TRIM77: variants seen among roughly 807,000 people sequenced by gnomAD.
The protein encoded by TRIM77 is tripartite motif containing 77.
Under a neutral mutation model 31.8 loss-of-function variants are expected in TRIM77, and 23 were observed. The observed-to-expected ratio is 0.72, with a 90% CI of 0.52 to 1.02. The LOEUF (loss-of-function observed/expected upper bound fraction) is 1.02, where lower values mean the gene tolerates loss of function less well. TRIM77 is among the 50% of genes least tolerant of loss of function. TRIM77 has a pLI of 0.00. For missense variants in TRIM77, 446 were observed against 539.2 expected, an observed-to-expected ratio of 0.83 and a Z score of 1.71; for synonymous variants, 159 against 183.1, an observed-to-expected ratio of 0.87 and a Z score of 1.06.
chr11:89,715,118 T>G (rs534004987), intron 3 of TRIM77, 40 bp from the exon 4 acceptor site: 7 of 1,548,946 alleles, frequency 4.5e-6, no homozygotes, highest in Admixed American at 2.0e-5. Flanking sequence ...GAGAGAACCA[T>G]GTTGTGCTGC....
rs1438643328 is a variant in TRIM77 at position 89,714,349 on chromosome 11, T to C, written c.665T>C (p.Met222Thr). Residue 222 changes from methionine to threonine, a missense_variant, in exon 3 of 6, where the codon ATG (methionine) becomes ACG (threonine). Physicochemically the swap from Met to Thr is moderately conservative, Grantham distance 81 (BLOSUM62 -1). Transcript: ENST00000398290. Reference protein sequence around the residue: ...LKRSQTRMAKMGILLREMYEK... With the variant: ...LKRSQTRMAKTGILLREMYEK... ...AGAAGTCAAACTAGAATGGCTAAGA[T>C]GGGTATACTCCTGAGAGAAATGTAT... 2 of 1,551,598 alleles carry C rather than the reference T, an allele frequency of 1.3e-6. No homozygotes were observed. The highest frequency in any genetic ancestry group is 1.7e-6 in the Non-Finnish European group (2 of 1,146,984).
intron 5 of TRIM77, 132 bp downstream of exon 5, chr11:89,716,119 C>G: frequency 2.2e-6 from 1 of 462,030 alleles, no homozygotes; most frequent in Non-Finnish European, 3.7e-6. Flanking sequence ...AATATGGAAA[C>G]CTTTATAACC....
At chr11:89,716,688 C>T (rs1591485918) in intron 5 of TRIM77, among the ~76,000 whole-genome samples, 2 of 152,226 alleles carry the variant, frequency 1.3e-5, no homozygotes, top group South Asian at 4.1e-4. Flanking sequence ...TTCACTTTTG[C>T]TTGCTTAAGT....
rs868300500 is a variant in TRIM77 at position 89,717,276 on chromosome 11, G to A, written c.860-103G>A. The A allele has an allele frequency of 6.6e-5, 73 of 1,113,478 alleles. No homozygotes were observed. In the Middle Eastern group the frequency reaches 1.8e-3, roughly 27 times the overall value. The allele number at this position is 1,113,478 out of a possible 1,614,324, so 69.0% of individuals were successfully genotyped here. On this transcript the variant is annotated intron_variant, in intron 5 of 5. Coordinates refer to ENST00000398290, the MANE Select transcript of TRIM77 (RefSeq NM_001146162.1). ...CAAAACCAGTTGCTTTTGTTTGTTT[G>A]TTTTCAGGGATTGGTTGTTAAGCAT...
At chr11:89,714,077 A>G (rs942937401) in intron 2 of TRIM77, 115 bp from the exon 3 acceptor site, 28 of 674,244 alleles carry the variant, frequency 4.2e-5, no homozygotes, top group Non-Finnish European at 5.7e-5. Context: ...GAAGTGGAAA[A>G]GCATTAAACT....
At position 89,715,876 on chromosome 11, in the gene TRIM77, A is replaced by G; in HGVS notation, c.762-14A>G. The G allele has an allele frequency of 6.6e-7, 1 of 1,513,770 alleles. No homozygotes were observed. The highest frequency in any genetic ancestry group is 8.9e-7 in the Non-Finnish European group (1 of 1,118,526). The allele number at this position is 1,513,770 out of a possible 1,614,324, so 93.8% of individuals were successfully genotyped here. A position where few individuals can be genotyped will look rare whatever the true frequency, so the allele number is the denominator to read the frequency against. On this transcript the variant is annotated splice_polypyrimidine_tract_variant and intron_variant, in intron 4 of 5. Transcript: ENST00000398290. ...TTGGGACTGGTAATTAAAAGTAGGT[A>G]TTTTTCTTTGCAGGAATGAGTTTCT... is the stretch of plus-strand genomic sequence containing the variant.
In TRIM77 at chr11:89,715,978, T is replaced by G; in HGVS notation, c.850T>G (p.Phe284Val). The G allele has an allele frequency of 6.5e-7, 1 of 1,546,656 alleles. No individual in the cohort carries two copies. The highest frequency in any genetic ancestry group is 8.7e-7 in the Non-Finnish European group (1 of 1,143,168). ...TITGVSERLN[F>V]FRVYITLDRK... Reference sequence around the variant, plus strand: ...CACTGGGGTGTCAGAAAGGCTTAACTTCTTCAGAGGTAAGAGTGTGAACTG... The same window carrying G: ...CACTGGGGTGTCAGAAAGGCTTAACGTCTTCAGAGGTAAGAGTGTGAACTG... The change falls in exon 5 of 6, where the codon TTC becomes GTC. Residue 284 changes from phenylalanine to valine, a missense_variant. Transcript: ENST00000398290.
chr11:89,714,494 CT>C, intron 3 of TRIM77, 72 bp downstream of exon 3: 1 of 1,031,414 alleles, frequency 9.7e-7, no homozygotes, highest in Non-Finnish European at 1.4e-6. Context: ...AGTCTATATC[CT>C]TTTTGATCTA....
chr11:89,711,097 T>C, intron 1 of TRIM77, among the ~76,000 whole-genome samples: 1 of 152,158 alleles, frequency 6.6e-6, no homozygotes, highest in East Asian at 1.9e-4. Context: ...TATGCTCCAA[T>C]AGTACTGTAG....
chr11:89,710,523 T>G lies in TRIM77; in HGVS notation c.225T>G (p.Ile75Met), dbSNP rs748826852. ...KRIIFAEKQV[I>M]PTRESVPCQL... is the part of the protein sequence containing the mutation. ...TTATTTTTGCTGAGAAACAAGTTAT[T>G]CCTACAAGAGAATCAGTCCCCTGCC... Residue 75 changes from isoleucine to methionine, a missense_variant, in exon 1 of 6, where the codon ATT (isoleucine) becomes ATG (methionine). Physicochemically the swap from Ile to Met is conservative, Grantham distance 10. Transcript: ENST00000398290. 1 of 1,551,492 alleles carries G rather than the reference T, an allele frequency of 6.4e-7. No homozygotes were observed. The highest frequency in any genetic ancestry group is 8.7e-7 in the Non-Finnish European group (1 of 1,146,936).
At chr11:89,716,417 C>T (rs1269441383) in intron 5 of TRIM77, among the ~76,000 whole-genome samples, 2 of 152,132 alleles carry the variant, frequency 1.3e-5, no homozygotes, top group Non-Finnish European at 2.9e-5. Context: ...TTAAGGAATA[C>T]ATTTGAAAAA....
chr11:89,717,749 C>T lies in TRIM77; in HGVS notation c.1230C>T (p.Phe410=), dbSNP rs1949172875. The change falls in exon 6 of 6, where the codon TTC becomes TTT. Residue 410 remains phenylalanine (F), a synonymous_variant. Transcript: ENST00000398290. ...IPRPQGWLGV[F]LDYECGIVSF... is the part of the protein sequence containing the mutation. ...GGCCCCAAGGCTGGCTAGGGGTGTT[C>T]CTGGATTATGAATGTGGGATAGTGA... 1.9e-6 allele frequency: 3 copies of T among 1,551,142 alleles called. No homozygotes were observed. The highest frequency in any genetic ancestry group is 2.7e-5 in the African/African-American group (2 of 72,996).
intron 5 of TRIM77, among the ~76,000 whole-genome samples, chr11:89,716,798 A>C (rs1460483454): frequency 6.6e-6 from 1 of 152,276 alleles, no homozygotes; most frequent in East Asian, 1.9e-4. Flanking sequence ...TAATGATAAC[A>C]GTGTCATAGC....
At chr11:89,715,108 G>C in intron 3 of TRIM77, 50 bp from the exon 4 acceptor site, 1 of 1,541,168 alleles carries the variant, frequency 6.5e-7, no homozygotes, top group East Asian at 2.4e-5. Context: ...AGGATATATT[G>C]AGAGAACCAT....
intron 2 of TRIM77, among the ~76,000 whole-genome samples, chr11:89,712,719 T>G (rs1002823162): frequency 6.6e-6 from 1 of 152,068 alleles, no homozygotes; most frequent in African/African-American, 2.4e-5. Context: ...ATATTTGGAT[T>G]TAGAAAAAAG....
chr11:89,713,388 C>T (rs1373697812), intron 2 of TRIM77, among the ~76,000 whole-genome samples: 1 of 147,626 alleles, frequency 6.8e-6, no homozygotes, highest in African/African-American at 2.5e-5. Flanking sequence ...CCCAGGAATT[C>T]AAGGCTGCAG....
chr11:89,714,798 T>C lies in TRIM77; in HGVS notation c.739-360T>C, dbSNP rs577784506. Among the ~76,000 whole-genome samples, 19 of 152,336 alleles carry C rather than the reference T, an allele frequency of 1.2e-4. No homozygotes were observed. In the South Asian group the frequency reaches 3.7e-3, roughly 30 times the overall value. Reference sequence around the variant, plus strand: ...GATTTATGAAATTTATTTACTCTTTTAGTTTTGAAGTCCTAAATTTGGGCC... The same window carrying C: ...GATTTATGAAATTTATTTACTCTTTCAGTTTTGAAGTCCTAAATTTGGGCC... On this transcript the variant is annotated intron_variant, in intron 3 of 5. Transcript: ENST00000398290.
intron 5 of TRIM77, among the ~76,000 whole-genome samples, chr11:89,716,914 G>T (rs1213461163): frequency 6.6e-6 from 1 of 151,850 alleles, no homozygotes; most frequent in Non-Finnish European, 1.5e-5. Context: ...ATGTTTTCTT[G>T]GCATCTTATG....
chr11:89,714,358 T>G lies in TRIM77; in HGVS notation c.674T>G (p.Leu225Arg). The G allele has an allele frequency of 6.4e-7, 1 of 1,551,652 alleles. No homozygotes were observed. The highest frequency in any genetic ancestry group is 1.2e-5 in the South Asian group (1 of 84,050). The change falls in exon 3 of 6, where the codon CTC (leucine) becomes CGC (arginine). Residue 225 changes from leucine (L) to arginine (R), a missense_variant. This residue lies in a region of TRIM77 where 366 missense variants were observed against 447.9 expected (regional missense o/e 0.82). Transcript: ENST00000398290. ...ACTAGAATGGCTAAGATGGGTATAC[T>G]CCTGAGAGAAATGTATGAGAAACTG... ...SQTRMAKMGILLREMYEKLKE... is the reference protein window; with the variant it reads ...SQTRMAKMGIRLREMYEKLKE...
Sources: allele counts gnomAD v4.1 joint callset (sites outside exome capture counted in the v4.1 genomes callset), GRCh38; gene constraint gnomAD v4.1.1; regional missense constraint gnomAD v4.1.1; transcripts MANE v1.5; gene names NCBI Gene and HGNC (gene_info 2026-07-23, HGNC 2026-07-21).